The following AKR1C8 variants were observed in gnomAD, a reference collection of about 807,000 sequenced individuals.
The protein encoded by AKR1C8 is aldo-keto reductase family 1 member C8.
At chr10:5,152,689 A>G in the AKR1C8 span, among the ~76,000 whole-genome samples, 1 of 152,170 alleles carries the variant, frequency 6.6e-6, no homozygotes, top group Non-Finnish European at 1.5e-5. Flanking sequence ...AGGGTCAGAG[A>G]AAACCTTTTG....
chr10:5,152,483 G>A, the AKR1C8 span, among the ~76,000 whole-genome samples: 2 of 152,104 alleles, frequency 1.3e-5, no homozygotes, highest in East Asian at 3.9e-4. Context: ...GGAACACCAG[G>A]ATCAAACTAC....
the AKR1C8 span, among the ~76,000 whole-genome samples, chr10:5,159,372 G>A: frequency 1.3e-5 from 2 of 152,126 alleles, no homozygotes; most frequent in Non-Finnish European, 2.9e-5. Context: ...CAGGACAAAC[G>A]ACTTGATTTC....
chr10:5,162,457 G>C, the AKR1C8 span, among the ~76,000 whole-genome samples: 1 of 152,178 alleles, frequency 6.6e-6, no homozygotes, highest in Admixed American at 6.5e-5. Flanking sequence ...CAATTTTAGA[G>C]AGTTCAGAAA....
chr10:5,152,165 G>T, the AKR1C8 span, among the ~76,000 whole-genome samples: 1 of 152,072 alleles, frequency 6.6e-6, no homozygotes, highest in East Asian at 1.9e-4. Context: ...ACTAGTTTGG[G>T]GACTTGCAGC....
At chr10:5,155,894 A>C in the AKR1C8 span, 2 of 351,016 alleles carry the variant, frequency 5.7e-6, no homozygotes, top group South Asian at 2.4e-5. Context: ...TTCCAGGTGC[A>C]TGTGGCTTGA....
chr10:5,155,508 G>C, the AKR1C8 span: 2 of 292,400 alleles, frequency 6.8e-6, no homozygotes, highest in African/African-American at 4.5e-5. Flanking sequence ...TGCTGGGTCA[G>C]AGATTGAGTC....
the AKR1C8 span, among the ~76,000 whole-genome samples, chr10:5,149,380 C>G: frequency 6.6e-6 from 1 of 152,024 alleles, no homozygotes; most frequent in Admixed American, 6.6e-5. Context: ...TACATTGCAA[C>G]AAGAATAATT....
At chr10:5,128,980 C>A in the AKR1C8 span, among the ~76,000 whole-genome samples, 3 of 151,810 alleles carry the variant, frequency 2.0e-5, no homozygotes, top group South Asian at 2.1e-4. Context: ...GCGGAACATA[C>A]ATTCTTATCA....
the AKR1C8 span, among the ~76,000 whole-genome samples, chr10:5,181,845 A>T: frequency 6.6e-6 from 1 of 152,116 alleles, no homozygotes; most frequent in African/African-American, 2.4e-5. Context: ...CCTTGTTTTA[A>T]TCCACTTCAA....
the AKR1C8 span, among the ~76,000 whole-genome samples, chr10:5,167,942 T>C: frequency 6.6e-6 from 1 of 152,144 alleles, no homozygotes; most frequent in Non-Finnish European, 1.5e-5. Flanking sequence ...TAATATGCCA[T>C]AACTGTGGTT....
chr10:5,119,170 T>G, the AKR1C8 span, among the ~76,000 whole-genome samples: 3 of 152,200 alleles, frequency 2.0e-5, no homozygotes, highest in Non-Finnish European at 4.4e-5. Flanking sequence ...AAAACAATGT[T>G]TGGCACACAA....
the AKR1C8 span, among the ~76,000 whole-genome samples, chr10:5,116,185 A>G: frequency 6.6e-6 from 1 of 152,102 alleles, no homozygotes; most frequent in Non-Finnish European, 1.5e-5. Context: ...GACTGATTTC[A>G]TCTTGATAGC....
the AKR1C8 span, chr10:5,155,854 A>T: frequency 2.6e-6 from 1 of 387,242 alleles, no homozygotes; most frequent in Non-Finnish European, 5.4e-6. Flanking sequence ...CAAGGATGGC[A>T]TTGGGGGAAG....
At chr10:5,156,525 G>GATCGATCTATCTATCTATCTATCT in the AKR1C8 span, among the ~76,000 whole-genome samples, 2 of 140,934 alleles carry the variant, frequency 1.4e-5, no homozygotes, top group Non-Finnish European at 3.2e-5. Flanking sequence ...GAAAGACTCA[G>GATCGATCTATCTATCTATCTATCT]ATCTATCTAT....
the AKR1C8 span, among the ~76,000 whole-genome samples, chr10:5,163,287 A>G: frequency 2.0e-5 from 3 of 152,332 alleles, no homozygotes; most frequent in Admixed American, 6.5e-5. Flanking sequence ...GAAATTGAAT[A>G]TAACATATTA....
chr10:5,158,613 T>C, the AKR1C8 span: 1 of 478,088 alleles, frequency 2.1e-6, no homozygotes, highest in African/African-American at 2.0e-5. Context: ...TGTGGGTCTC[T>C]TTGGGATCCC....
the AKR1C8 span, among the ~76,000 whole-genome samples, chr10:5,166,090 T>A: frequency 2.6e-5 from 4 of 152,092 alleles, no homozygotes; most frequent in Admixed American, 2.6e-4. Flanking sequence ...GGGACATCTT[T>A]TCTCCTCCCT....
chr10:5,128,198 G>C, the AKR1C8 span, among the ~76,000 whole-genome samples: 1 of 152,104 alleles, frequency 6.6e-6, no homozygotes, highest in Non-Finnish European at 1.5e-5. Flanking sequence ...ATAATTGAAG[G>C]AGAAATACAG....
the AKR1C8 span, among the ~76,000 whole-genome samples, chr10:5,178,563 T>C: frequency 6.6e-6 from 1 of 152,202 alleles, no homozygotes. Flanking sequence ...TTGATCTGTC[T>C]AATGTTGACA....
Sources: allele counts gnomAD v4.1 joint callset (sites outside exome capture counted in the v4.1 genomes callset), GRCh38; gene constraint gnomAD v4.1.1; transcripts MANE v1.5; gene names NCBI Gene and HGNC (gene_info 2026-07-23, HGNC 2026-07-21).